The following ADAM32 variants were observed in gnomAD, a reference collection of about 807,000 sequenced individuals.
ADAM32 encodes ADAM metallopeptidase domain 32.
ADAM32 carries 89 observed loss-of-function variants against 114.9 expected under a neutral mutation model. The observed-to-expected ratio is 0.77, with a 90% CI of 0.65 to 0.92. ADAM32 has a LOEUF of 0.92. ADAM32 is among the 40% of genes least tolerant of loss of function. ADAM32 has a pLI of 0.00. For missense variants in ADAM32, 870 were observed against 932.8 expected, an observed-to-expected ratio of 0.93 and a Z score of 0.88; for synonymous variants, 285 against 307.5, an observed-to-expected ratio of 0.93 and a Z score of 0.77.
intron 3 of ADAM32, among the ~76,000 whole-genome samples, chr8:39,142,548 T>G (rs1415378148): frequency 3.3e-5 from 5 of 152,236 alleles, no homozygotes; most frequent in Non-Finnish European, 7.3e-5. Flanking sequence ...TCTTCTGGCT[T>G]GTAGGGTTTC....
chr8:39,126,479 C>A (rs959772615), intron 2 of ADAM32, among the ~76,000 whole-genome samples: 3 of 151,968 alleles, frequency 2.0e-5, no homozygotes, highest in Non-Finnish European at 4.4e-5. Flanking sequence ...TCTCTGCTTG[C>A]CTATTGTTGG....
intron 9 of ADAM32, chr8:39,167,448 T>C (rs1047376046): frequency 1.3e-5 from 2 of 152,264 alleles, no homozygotes; most frequent in Non-Finnish European, 2.9e-5. Context: ...GACTATGGCC[T>C]TACAGTATAG....
intron 11 of ADAM32, among the ~76,000 whole-genome samples, chr8:39,207,816 A>C (rs865832269): frequency 1.4e-4 from 22 of 152,176 alleles, no homozygotes; most frequent in African/African-American, 4.6e-4. Flanking sequence ...CGTGAGTGTG[A>C]TCATGAGGTG....
At chr8:39,200,154 G>A (rs1211857639) in intron 11 of ADAM32, among the ~76,000 whole-genome samples, 1 of 152,168 alleles carries the variant, frequency 6.6e-6, no homozygotes, top group Admixed American at 6.6e-5. Flanking sequence ...GGATGGCTGG[G>A]TCAAATGGTA....
rs774445935 is a variant in ADAM32 at position 39,186,932 on chromosome 8, G to C, written c.939G>C (p.Glu313Asp). 1 of 1,611,854 alleles carries C rather than the reference G, an allele frequency of 6.2e-7. No homozygotes were observed. The highest frequency in any genetic ancestry group is 8.5e-7 in the Non-Finnish European group (1 of 1,178,700). ...VALYPKEITLEAFAVIVTQML... is the reference protein window; with the variant it reads ...VALYPKEITLDAFAVIVTQML... ...AGTACCCCAAGGAGATAACTCTGGA[G>C]GCATTTGCAGTTATTGTCACCCAGA... Residue 313 changes from glutamate (E) to aspartate (D), a missense_variant, in exon 11 of 25, where the codon GAG becomes GAC. Transcript: ENST00000379907.
chr8:39,243,812 A>T (rs908479004), intron 16 of ADAM32, among the ~76,000 whole-genome samples: 2 of 151,420 alleles, frequency 1.3e-5, no homozygotes, highest in African/African-American at 4.8e-5. Context: ...AGAAAGAAAG[A>T]GTATTCAAAT....
chr8:39,265,019 A>T (rs1405512361), intron 19 of ADAM32, among the ~76,000 whole-genome samples: 5 of 152,156 alleles, frequency 3.3e-5, no homozygotes, highest in Non-Finnish European at 7.4e-5. Context: ...TGCCGCGTTA[A>T]GTCCCAAATA....
intron 10 of ADAM32, among the ~76,000 whole-genome samples, chr8:39,177,686 C>G (rs925179798): frequency 1.3e-5 from 2 of 152,116 alleles, no homozygotes; most frequent in Non-Finnish European, 2.9e-5. Flanking sequence ...CCTTCAGGAG[C>G]TCTTGTAAGG....
intron 19 of ADAM32, among the ~76,000 whole-genome samples, chr8:39,266,609 T>C (rs955840125): frequency 6.6e-6 from 1 of 152,238 alleles, no homozygotes; most frequent in Non-Finnish European, 1.5e-5. Flanking sequence ...TGTATGTCGA[T>C]GAGCTTCCTT....
chr8:39,183,952 A>G (rs1484786918), intron 10 of ADAM32, among the ~76,000 whole-genome samples: 1 of 152,174 alleles, frequency 6.6e-6, no homozygotes, highest in Non-Finnish European at 1.5e-5. Context: ...ACGAGGACAA[A>G]TCGTTCCTCC....
At chr8:39,264,403 T>C (rs2129451026) in intron 19 of ADAM32, among the ~76,000 whole-genome samples, 2 of 152,312 alleles carry the variant, frequency 1.3e-5, no homozygotes, top group Non-Finnish European at 2.9e-5. Context: ...TCAGAGGTAA[T>C]GTCACTTTGG....
intron 16 of ADAM32, among the ~76,000 whole-genome samples, chr8:39,235,765 GATACT>G (rs1303226137): frequency 7.9e-5 from 12 of 152,126 alleles, no homozygotes; most frequent in African/African-American, 2.9e-4. Context: ...GCAGACAGTA[GATACT>G]ATATTCCAAA....
intron 24 of ADAM32, 126 bp from the exon 25 acceptor site, chr8:39,284,667 C>A: frequency 1.0e-6 from 1 of 999,458 alleles, no homozygotes; most frequent in Non-Finnish European, 1.5e-6. Flanking sequence ...TTGTAAACAT[C>A]CTTTCAATAA....
chr8:39,242,962 T>C (rs1810661039), intron 16 of ADAM32, among the ~76,000 whole-genome samples: 3 of 152,090 alleles, frequency 2.0e-5, no homozygotes, highest in Admixed American at 2.0e-4. Context: ...TTACAACCTA[T>C]AGCATAGAAA....
At chr8:39,272,725 A>G (rs1812811533) in intron 20 of ADAM32, among the ~76,000 whole-genome samples, 1 of 152,198 alleles carries the variant, frequency 6.6e-6, no homozygotes, top group African/African-American at 2.4e-5. Flanking sequence ...GTCCTACTAT[A>G]AACTGTATAA....
chr8:39,111,992 A>G (rs1208081153), intron 1 of ADAM32, among the ~76,000 whole-genome samples: 1 of 152,160 alleles, frequency 6.6e-6, no homozygotes, highest in African/African-American at 2.4e-5. Flanking sequence ...ATATTTCTGG[A>G]TCAAAATCCT....
intron 6 of ADAM32, among the ~76,000 whole-genome samples, chr8:39,153,260 A>T (rs1803950756): frequency 6.6e-6 from 1 of 152,210 alleles, no homozygotes; most frequent in South Asian, 2.1e-4. Flanking sequence ...TGTGAACTAG[A>T]TGCTGAACTT....
In ADAM32 at chr8:39,257,353, A is replaced by G. The variant is rs747082215; in HGVS notation, c.2162+10A>G. ...AATTCCCAAGTAGCGAGTAAATTGC[A>G]TTTGTGTTCTGAAGTTAAACATTAG... On this transcript the variant is annotated intron_variant, in intron 19 of 24. Transcript: ENST00000379907. 1.2e-6 allele frequency: 2 copies of G among 1,612,694 alleles called. No homozygotes were observed. Among genetic ancestry groups the G allele is most frequent in the East Asian group, 2.2e-5 (1 of 44,842 alleles).
rs371801934 is a variant in ADAM32, at chr8:39,154,885, G to T, written c.525+3337G>T. Among the ~76,000 whole-genome samples, 286 of 148,192 alleles carry T rather than the reference G, an allele frequency of 1.9e-3. 1 individual carries two copies. The highest frequency in any genetic ancestry group is 6.7e-3 in the African/African-American group (269 of 40,430). ...CAAACCCTTCACCCACTTTTTGATG[G>T]TTTTTTTTTTCTCATAAATTTGTTT... On this transcript the variant is annotated intron_variant, in intron 6 of 24. Coordinates refer to ENST00000379907, the MANE Select transcript of ADAM32 (RefSeq NM_145004.7).
Sources: allele counts gnomAD v4.1 joint callset (sites outside exome capture counted in the v4.1 genomes callset), GRCh38; gene constraint gnomAD v4.1.1; transcripts MANE v1.5; gene names NCBI Gene and HGNC (gene_info 2026-07-23, HGNC 2026-07-21).